MDC1: variants seen among roughly 807,000 people sequenced by gnomAD.
MDC1 encodes the protein mediator of DNA damage checkpoint protein 1.
In MDC1, 81 loss-of-function variants were observed where a neutral mutation model predicts 142.5. The observed-to-expected ratio is 0.57, with a 90% CI of 0.47 to 0.68. MDC1 has a LOEUF of 0.68. MDC1 is among the 30% of genes least tolerant of loss of function. The pLI, the probability that MDC1 is intolerant of heterozygous loss-of-function variation, is 0.00. For missense variants in MDC1, 2,119 were observed against 2,547.9 expected, an observed-to-expected ratio of 0.83 and a Z score of 3.62; for synonymous variants, 797 against 968.4, an observed-to-expected ratio of 0.82 and a Z score of 3.29.
chr6:30,707,218 C>T (rs1774025139), intron 9 of MDC1, among the ~76,000 whole-genome samples, 166 bp downstream of exon 9: 2 of 152,068 alleles, frequency 1.3e-5, no homozygotes, highest in Non-Finnish European at 2.9e-5. Flanking sequence ...ATATGGAAAA[C>T]AACGGGTGCC....
Position 30,712,261 on chromosome 6 carries a change from T to C in MDC1, c.1681A>G (p.Lys561Glu). Residue 561 changes from lysine to glutamate, a missense_variant, in exon 5 of 15, where the codon AAG becomes GAG. By Grantham distance (56) the Lys-to-Glu change is moderately conservative. Coordinates refer to ENST00000376406, the MANE Select transcript of MDC1 (RefSeq NM_014641.3). The surrounding 1 kb of genome is among the most constrained non-coding windows in gnomAD (Gnocchi z 4.7). ...TDVKAVGGPAKLLVVSLEEAW... is the reference protein window; with the variant it reads ...TDVKAVGGPAELLVVSLEEAW... ...TCCTCTAGAGATACCACAAGCAGCT[T>C]TGCTGGTCCCCCAACTGCTTTCACA... 6.2e-7 allele frequency: 1 copy of C among 1,613,116 alleles called. No individual in the cohort carries two copies. The highest frequency in any genetic ancestry group is 8.5e-7 in the Non-Finnish European group (1 of 1,180,040).
intron 9 of MDC1, 57 bp from the exon 10 acceptor site, chr6:30,706,155 G>A (rs1773771481): frequency 2.2e-6 from 3 of 1,383,742 alleles, no homozygotes; most frequent in Non-Finnish European, 2.9e-6. Context: ...GATAGAACTT[G>A]GATACTGTTC....
At chr6:30,706,942 G>A (rs1019431514) in intron 9 of MDC1, among the ~76,000 whole-genome samples, 3 of 152,148 alleles carry the variant, frequency 2.0e-5, no homozygotes, top group Non-Finnish European at 2.9e-5. Flanking sequence ...ACTCCAGCCT[G>A]GGTGACAGAG....
chr6:30,704,916 G>A lies in MDC1; in HGVS notation c.4267C>T (p.Pro1423Ser). Residue 1423 changes from proline (P) to serine (S), a missense_variant, in exon 10 of 15, where the codon CCT (proline) becomes TCT (serine). Transcript: ENST00000376406. ...KLEPSTSTDQPVTPEPTSQAT... is the reference protein window; with the variant it reads ...KLEPSTSTDQSVTPEPTSQAT... ...TGAGATGTGGGCTCAGGAGTGACAG[G>A]TTGGTCTGTGGAAGTGGAAGGCTCG... 9 of 1,605,680 alleles carry A rather than the reference G, an allele frequency of 5.6e-6. No individual in the cohort carries two copies. The highest frequency in any genetic ancestry group is 6.8e-6 in the Non-Finnish European group (8 of 1,176,100).
rs1323434458 is a variant in MDC1 at position 30,713,504 on chromosome 6, C to T, written c.587+144G>A. The T allele has an allele frequency of 1.4e-5, 17 of 1,232,928 alleles. No individual in the cohort carries two copies. Among genetic ancestry groups the T allele is most frequent in the Non-Finnish European group, 1.8e-5 (16 of 900,770 alleles). The allele number at this position is 1,232,928 out of a possible 1,614,324, so 76.4% of individuals were successfully genotyped here. ...TTCCACTTGGCACATCAGATGTGCT[C>T]CATAAAAATTCAGCTGAGTGAATGA... On this transcript the variant is annotated intron_variant, in intron 4 of 14. Transcript: ENST00000376406. The surrounding 1 kb of genome is among the most constrained non-coding windows in gnomAD (Gnocchi z 4.9).
chr6:30,714,592 A>C (rs1775401767), intron 2 of MDC1, among the ~76,000 whole-genome samples: 1 of 152,072 alleles, frequency 6.6e-6, no homozygotes, highest in Non-Finnish European at 1.5e-5. Context: ...GATCAGTGCA[A>C]TCTTGAACTC....
Position 30,704,821 on chromosome 6 carries a change from C to A in MDC1, c.4362G>T (p.Glu1454Asp), listed in dbSNP as rs150580476. Reference sequence around the variant, plus strand: ...GGTCTGTGGAGGTGGAAGGCTGGAGCTCAGGGGCTGTGGGGACAACTGTTT... The same window carrying A: ...GGTCTGTGGAGGTGGAAGGCTGGAGATCAGGGGCTGTGGGGACAACTGTTT... ...TPETVVPTAP[E>D]LQPSTSTDQP... The change falls in exon 10 of 15, where the codon GAG (glutamate) becomes GAT (aspartate). Residue 1454 changes from glutamate (E) to aspartate (D), a missense_variant. Glu to Asp is a conservative substitution (Grantham distance 45). Coordinates refer to ENST00000376406, the MANE Select transcript of MDC1 (RefSeq NM_014641.3). 2.9e-5 allele frequency: 46 copies of A among 1,611,864 alleles called. No homozygotes were observed. The highest frequency in any genetic ancestry group is 5.0e-5 in the Admixed American group (3 of 59,620).
At position 30,708,214 on chromosome 6, in the gene MDC1, G is replaced by T; in HGVS notation, c.2365C>A (p.Gln789Lys). Residue 789 changes from glutamine to lysine, a missense_variant, in exon 8 of 15, where the codon CAA (glutamine) becomes AAA (lysine). Coordinates refer to ENST00000376406, the MANE Select transcript of MDC1 (RefSeq NM_014641.3). ...LSPPRAIPGD[Q>K]HPESPVHTEP... ...GTGTGAACTGGGCTCTCTGGATGTT[G>T]GTCTCCTGGTATTGCCCTAGGTGGA... 6.2e-7 allele frequency: 1 copy of T among 1,613,096 alleles called. No individual in the cohort carries two copies. Among genetic ancestry groups the T allele is most frequent in the Non-Finnish European group, 8.5e-7 (1 of 1,180,036 alleles).
rs1291876303 is a variant in MDC1 at position 30,714,041 on chromosome 6, C to T, written c.279G>A (p.Gly93=). The T allele has an allele frequency of 3.5e-5, 57 of 1,612,824 alleles. No homozygotes were observed. Among genetic ancestry groups the T allele is most frequent in the Non-Finnish European group, 4.8e-5 (57 of 1,180,012 alleles). ...TCAGGATTTGAGTACCATTAAGGCT[C>T]CCACAGTCTCGGAGGATAGGTGCCT... ...WDKAPILRDC[G]SLNGTQILRP... The change falls in exon 3 of 15, where the codon GGG becomes GGA. Residue 93 remains glycine, a synonymous_variant. Coordinates refer to ENST00000376406, the MANE Select transcript of MDC1 (RefSeq NM_014641.3).
rs9461623 is a variant in MDC1 at position 30,705,645 on chromosome 6, A to G, written c.3538T>C (p.Ser1180Pro). ...CTAGTAACCTGAGATGTGGGCTCAG[A>G]GGTGACAGGCTGGTCTGTGGAGGTG... ...PSTSTDQPVT[S>P]EPTSQVTRGR... The change falls in exon 10 of 15, where the codon TCT (serine) becomes CCT (proline). Residue 1180 changes from serine (S) to proline (P), a missense_variant. Coordinates refer to ENST00000376406, the MANE Select transcript of MDC1 (RefSeq NM_014641.3). 37,431 of 1,583,612 alleles carry G rather than the reference A, an allele frequency of 0.024. 1,065 individuals carry two copies. The highest frequency in any genetic ancestry group is 0.12 in the African/African-American group (8,789 of 70,414).
chr6:30,707,926 T>C lies in MDC1; in HGVS notation c.2653A>G (p.Arg885Gly). Reference sequence around the variant, plus strand: ...TCTACCTTCAAACTCTCCCTATCTCTTTCAGGACTTGCACTTTCCCCATTT... The same window carrying C: ...TCTACCTTCAAACTCTCCCTATCTCCTTCAGGACTTGCACTTTCCCCATTT... ...DKNGESASPERDRESLKVEIE... is the reference protein window; with the variant it reads ...DKNGESASPEGDRESLKVEIE... Residue 885 changes from arginine to glycine, a missense_variant, in exon 8 of 15, where the codon AGA (arginine) becomes GGA (glycine). By Grantham distance (125) the Arg-to-Gly change is moderately radical. Transcript: ENST00000376406. 1.2e-6 allele frequency: 2 copies of C among 1,613,118 alleles called. No individual in the cohort carries two copies. Among genetic ancestry groups the C allele is most frequent in the Non-Finnish European group, 1.7e-6 (2 of 1,180,036 alleles).
chr6:30,704,522 C>G lies in MDC1; in HGVS notation c.4661G>C (p.Arg1554Pro), dbSNP rs374716229. 6.2e-6 allele frequency: 10 copies of G among 1,604,896 alleles called. No homozygotes were observed. The highest frequency in any genetic ancestry group is 8.5e-6 in the Non-Finnish European group (10 of 1,176,774). ...CCTATTTGTCCTGCCCCTAGTGGCC[C>G]GAGATGTGGGCTCAGGGGTGACAGG... ...DQPVTPEPTS[R>P]ATRGRTNRSS... Residue 1554 changes from arginine (R) to proline (P), a missense_variant, in exon 10 of 15, where the codon CGG becomes CCG. By Grantham distance (103) the Arg-to-Pro change is moderately radical (BLOSUM62 -2). Transcript: ENST00000376406.
In MDC1 at chr6:30,705,699, C is replaced by A. The variant is rs746296550; in HGVS notation, c.3484G>T (p.Val1162Phe). 1 of 1,612,570 alleles carries A rather than the reference C, an allele frequency of 6.2e-7. No individual in the cohort carries two copies. The highest frequency in any genetic ancestry group is 2.2e-5 in the East Asian group (1 of 44,694). The change falls in exon 10 of 15, where the codon GTC (valine) becomes TTC (phenylalanine). Residue 1162 changes from valine (V) to phenylalanine (F), a missense_variant. Transcript: ENST00000376406. ...GGCTGGAGCTCAGGGGCTGTGGGGA[C>A]AACTGGTTCAGGGGTCTTGACAGAG... is the stretch of plus-strand genomic sequence containing the variant. The part of the protein sequence containing the change: ...RSSVKTPEPV[V>F]PTAPELQPST...
Position 30,704,244 on chromosome 6 carries a change from C to G in MDC1, c.4939G>C (p.Val1647Leu). The change falls in exon 10 of 15, where the codon GTC becomes CTC. Residue 1647 changes from valine (V) to leucine (L), a missense_variant. Transcript: ENST00000376406. Reference sequence around the variant, plus strand: ...GGTTCAACTGGTTTGGGAGTCTTGACAGAGGACCTATTTGTCTTTCTCCTA... The same window carrying G: ...GGTTCAACTGGTTTGGGAGTCTTGAGAGAGGACCTATTTGTCTTTCTCCTA... ...ATRRKTNRSS[V>L]KTPKPVEPAA... is the part of the protein sequence containing the mutation. The G allele has an allele frequency of 6.2e-7, 1 of 1,613,618 alleles. No homozygotes were observed. Among genetic ancestry groups the G allele is most frequent in the Non-Finnish European group, 8.5e-7 (1 of 1,179,774 alleles).
In MDC1 at chr6:30,712,794, C is replaced by T; in HGVS notation, c.1148G>A (p.Gly383Asp). Reference sequence around the variant, plus strand: ...CAGAGGGACAGCCTGTGGGGCCTTGCCTTCTTCCACATCTGTATCACTACC... The same window carrying T: ...CAGAGGGACAGCCTGTGGGGCCTTGTCTTCTTCCACATCTGTATCACTACC... The part of the protein sequence containing the change: ...QAGSDTDVEE[G>D]KAPQAVPLEK... The change falls in exon 5 of 15, where the codon GGC (glycine) becomes GAC (aspartate). Residue 383 changes from glycine (G) to aspartate (D), a missense_variant. Coordinates refer to ENST00000376406, the MANE Select transcript of MDC1 (RefSeq NM_014641.3). The surrounding 1 kb of genome is among the most constrained non-coding windows in gnomAD (Gnocchi z 4.7). 6.2e-7 allele frequency: 1 copy of T among 1,612,938 alleles called. No homozygotes were observed. Among genetic ancestry groups the T allele is most frequent in the East Asian group, 2.2e-5 (1 of 44,874 alleles).
chr6:30,708,523 G>C (rs1164995480), intron 7 of MDC1, among the ~76,000 whole-genome samples, 166 bp from the exon 8 acceptor site: 1 of 152,128 alleles, frequency 6.6e-6, no homozygotes, highest in East Asian at 1.9e-4. Flanking sequence ...CTGGGAATAA[G>C]GGTGGTAGTT....
rs771480761 is a variant in MDC1, at chr6:30,713,071, T to C, written c.871A>G (p.Arg291Gly). Residue 291 changes from arginine (R) to glycine (G), a missense_variant, in exon 5 of 15, where the codon AGG becomes GGG. Transcript: ENST00000376406. This position sits in a 1 kb window ranked among gnomAD's most constrained non-coding sequence, Gnocchi z 4.9. ...GVVPAGVILE[R>G]SQPPGEDSDT... Reference sequence around the variant, plus strand: ...CTGTCCTCTCCAGGAGGTTGGCTCCTCTCCAGAATCACCCCAGCTGGAACC... The same window carrying C: ...CTGTCCTCTCCAGGAGGTTGGCTCCCCTCCAGAATCACCCCAGCTGGAACC... The C allele has an allele frequency of 1.7e-5, 27 of 1,613,070 alleles. No homozygotes were observed. Among genetic ancestry groups the C allele is most frequent in the Non-Finnish European group, 2.3e-5 (27 of 1,179,990 alleles).
intron 12 of MDC1, 111 bp downstream of exon 12, chr6:30,702,993 C>A: frequency 6.3e-7 from 1 of 1,579,138 alleles, no homozygotes; most frequent in Non-Finnish European, 8.6e-7. Context: ...GCTTCTGGCT[C>A]ACCAATGCCC....
rs192518449 is a variant in MDC1 at position 30,703,749 on chromosome 6, T to C, written c.5434A>G (p.Lys1812Glu). Residue 1812 changes from lysine (K) to glutamate (E), a missense_variant, in exon 10 of 15, where the codon AAG becomes GAG. Physicochemically the swap from Lys to Glu is moderately conservative, Grantham distance 56. Coordinates refer to ENST00000376406, the MANE Select transcript of MDC1 (RefSeq NM_014641.3). This position sits in a 1 kb window ranked among gnomAD's most constrained non-coding sequence, Gnocchi z 4.4. ...ELQPKASQSR[K>E]RSLATMDSPP... is the part of the protein sequence containing the mutation. ...GAATCCATGGTAGCTAAAGACCTCTTGCGGCTTTGAGAGGCCTTAGGCTGG... is the reference window on the plus strand; with the variant it reads ...GAATCCATGGTAGCTAAAGACCTCTCGCGGCTTTGAGAGGCCTTAGGCTGG... The C allele has an allele frequency of 9.0e-6, 14 of 1,547,558 alleles. No homozygotes were observed. The Admixed American group carries it at 2.7e-4, about 30-fold the overall frequency.
Sources: allele counts gnomAD v4.1 joint callset (sites outside exome capture counted in the v4.1 genomes callset), GRCh38; gene constraint gnomAD v4.1.1; non-coding constraint Gnocchi (gnomAD v3.1); transcripts MANE v1.5; gene names NCBI Gene and HGNC (gene_info 2026-07-23, HGNC 2026-07-21).